Variants in GNA15 observed in about 807,000 individuals in gnomAD.
GNA15 encodes the protein G protein subunit alpha 15.
GNA15 carries 23 observed loss-of-function variants against 40.1 expected under a neutral mutation model. That is an observed-to-expected ratio of 0.57 (90% CI 0.41 to 0.81). GNA15 has a LOEUF of 0.81. Among genes scored for constraint, GNA15 ranks in the 40% least tolerant of loss-of-function variants. The pLI, the probability that GNA15 is intolerant of heterozygous loss-of-function variation, is 0.00. For missense variants in GNA15, 522 were observed against 515.8 expected, an observed-to-expected ratio of 1.01 and a Z score of -0.12; for synonymous variants, 226 against 210.4, an observed-to-expected ratio of 1.07 and a Z score of -0.64.
chr19:3,150,462 G>T (rs1914854327), intron 3 of GNA15, among the ~76,000 whole-genome samples, 177 bp downstream of exon 3: 1 of 152,214 alleles, frequency 6.6e-6, no homozygotes, highest in South Asian at 2.1e-4. Context: ...TGTTCTGGGG[G>T]TGACCCTTTT....
chr19:3,160,731 C>A (rs1915121917), intron 6 of GNA15, among the ~76,000 whole-genome samples: 1 of 152,074 alleles, frequency 6.6e-6, no homozygotes, highest in South Asian at 2.1e-4. Flanking sequence ...AGGTTGGTTC[C>A]TTTTGGAGGC....
intron 5 of GNA15, 80 bp from the exon 6 acceptor site, chr19:3,157,648 C>A: frequency 1.5e-6 from 2 of 1,315,582 alleles, no homozygotes; most frequent in Non-Finnish European, 2.2e-6. Context: ...CTGGAGCCAA[C>A]AGCCCCGTCT....
intron 2 of GNA15, chr19:3,149,191 G>A: frequency 5.5e-6 from 1 of 182,486 alleles, no homozygotes. Flanking sequence ...ACAAATAAGT[G>A]CACACACAAA....
At chr19:3,144,737 C>T (rs550438465) in intron 1 of GNA15, among the ~76,000 whole-genome samples, 85 of 150,002 alleles carry the variant, frequency 5.7e-4, no homozygotes, top group South Asian at 1.3e-3. Flanking sequence ...ACCGTGTTAG[C>T]CAGGATGGTC....
intron 1 of GNA15, among the ~76,000 whole-genome samples, chr19:3,145,355 A>ATT (rs1374760162): frequency 6.0e-4 from 22 of 36,364 alleles, no homozygotes; most frequent in Non-Finnish European, 9.6e-4. Context: ...ATATATATAT[A>ATT]TATATTTTTT....
intron 1 of GNA15, among the ~76,000 whole-genome samples, chr19:3,137,659 G>A (rs1019034686): frequency 3.3e-5 from 5 of 152,206 alleles, no homozygotes; most frequent in Admixed American, 6.5e-5. Flanking sequence ...GTGCGTGCCT[G>A]TAGTCCCTGC....
intron 4 of GNA15, among the ~76,000 whole-genome samples, chr19:3,152,272 A>C (rs1329317079): frequency 2.6e-5 from 4 of 151,980 alleles, no homozygotes; most frequent in Non-Finnish European, 4.4e-5. Flanking sequence ...GAAGTCAGGA[A>C]ACTCAGAAAA....
rs1914470141 is a variant in GNA15, at chr19:3,136,866, C to G, written c.145+271C>G. 6.6e-6 allele frequency among the ~76,000 whole-genome samples: 1 copy of G among 152,248 alleles called. No homozygotes were observed. Among genetic ancestry groups the G allele is most frequent in the African/African-American group, 2.4e-5 (1 of 41,474 alleles). ...GGCATATACAATAGCAGACGTGGCTCTACCGGGCCCCTGCCGGGCAGGCCC... is the reference window on the plus strand; with the variant it reads ...GGCATATACAATAGCAGACGTGGCTGTACCGGGCCCCTGCCGGGCAGGCCC... On this transcript the variant is annotated intron_variant, in intron 1 of 6. Coordinates refer to ENST00000262958, the MANE Select transcript of GNA15 (RefSeq NM_002068.4). This position sits in a 1 kb window ranked among gnomAD's most constrained non-coding sequence, Gnocchi z 4.9.
At chr19:3,149,424 A>C in intron 2 of GNA15, 1 of 158,244 alleles carries the variant, frequency 6.3e-6, no homozygotes, top group Non-Finnish European at 1.4e-5. Context: ...ACATGTGTGC[A>C]CACATACAAA....
In GNA15 at chr19:3,155,839, G is replaced by C; in HGVS notation, c.631G>C (p.Gly211Arg). The C allele has an allele frequency of 6.2e-7, 1 of 1,613,696 alleles. No individual in the cohort carries two copies. The highest frequency in any genetic ancestry group is 1.3e-5 in the African/African-American group (1 of 75,022). ...KTNLRIVDVG[G>R]QKSERKKWIH... Reference sequence around the variant, plus strand: ...TCCCTGTAGGATCGTGGACGTCGGGGGCCAGAAGTCAGAGCGTAAGAAATG... The same window carrying C: ...TCCCTGTAGGATCGTGGACGTCGGGCGCCAGAAGTCAGAGCGTAAGAAATG... Residue 211 changes from glycine to arginine, a missense_variant, in exon 5 of 7, where the codon GGC becomes CGC. Physicochemically the swap from Gly to Arg is moderately radical, Grantham distance 125. Coordinates refer to ENST00000262958, the MANE Select transcript of GNA15 (RefSeq NM_002068.4). This position sits in a 1 kb window ranked among gnomAD's most constrained non-coding sequence, Gnocchi z 5.6.
intron 6 of GNA15, 70 bp downstream of exon 6, chr19:3,157,951 G>C (rs1191100332): frequency 1.0e-5 from 13 of 1,259,812 alleles, no homozygotes; most frequent in Middle Eastern, 1.9e-4. Flanking sequence ...TGCTAATCCA[G>C]ACTCTACTTC....
At chr19:3,137,869 G>A (rs546717379) in intron 1 of GNA15, among the ~76,000 whole-genome samples, 25 of 152,302 alleles carry the variant, frequency 1.6e-4, no homozygotes, top group Admixed American at 1.4e-3. Flanking sequence ...GCTGAGGCAT[G>A]AGAATCGCTT....
In GNA15 at chr19:3,148,625, G is replaced by A. The variant is rs1187751085; in HGVS notation, c.180G>A (p.Lys60=). The A allele has an allele frequency of 3.8e-6, 6 of 1,587,288 alleles. No individual in the cohort carries two copies. The highest frequency in any genetic ancestry group is 1.3e-5 in the African/African-American group (1 of 74,386). The stretch of plus-strand genomic sequence containing the variant: ...AGAGCGGGAAGAGCACCTTCATCAA[G>A]CAGATGCGGATCATCCACGGCGCCG... ...PGESGKSTFI[K]QMRIIHGAGY... is the part of the protein sequence containing the mutation. Residue 60 remains lysine, a synonymous_variant, in exon 2 of 7, where the codon AAG becomes AAA. Coordinates refer to ENST00000262958, the MANE Select transcript of GNA15 (RefSeq NM_002068.4).
intron 1 of GNA15, among the ~76,000 whole-genome samples, chr19:3,145,359 A>ATATATAT: frequency 0.039 from 1,830 of 46,896 alleles, 74 homozygotes; most frequent in Middle Eastern, 0.091. Context: ...ATATATATAT[A>ATATATAT]TTTTTTTTTT....
chr19:3,137,344 C>T (rs1333652514), intron 1 of GNA15, among the ~76,000 whole-genome samples: 1 of 152,122 alleles, frequency 6.6e-6, no homozygotes, highest in African/African-American at 2.4e-5. Flanking sequence ...ACGTCAGTAA[C>T]GGTTCAAGAT....
intron 2 of GNA15, chr19:3,149,432 A>AC (rs1268657357): frequency 1.3e-5 from 2 of 156,976 alleles, no homozygotes; most frequent in Non-Finnish European, 2.8e-5. Context: ...GCACACATAC[A>AC]AATGCACACA....
rs61758985 is a variant in GNA15, at chr19:3,157,887, T to C, written c.898+6T>C. ...CTATTTCCCCAGTTTCCAGGGTAAG[T>C]AATTCTAGAACTTTCTATACCCTTC... On this transcript the variant is annotated splice_donor_region_variant and intron_variant, in intron 6 of 6. Transcript: ENST00000262958. 0.16 allele frequency: 263,220 copies of C among 1,603,134 alleles called. 23,323 individuals carry two copies. The highest frequency in any genetic ancestry group is 0.2 in the African/African-American group (14,716 of 74,700).
intron 1 of GNA15, among the ~76,000 whole-genome samples, chr19:3,138,897 C>T (rs139669233): frequency 7.4e-5 from 11 of 149,126 alleles, no homozygotes; most frequent in African/African-American, 1.7e-4. Context: ...CTTGGCCTCC[C>T]GAAGTGTTGG....
intron 6 of GNA15, among the ~76,000 whole-genome samples, chr19:3,162,046 T>C (rs1271659738): frequency 6.6e-6 from 1 of 151,128 alleles, no homozygotes; most frequent in Non-Finnish European, 1.5e-5. Flanking sequence ...ATAATAATAA[T>C]AATAATAATG....
Sources: gnomAD v4.1 joint callset for allele counts (sites outside exome capture counted in the v4.1 genomes callset) on GRCh38, gnomAD v4.1.1 for gene constraint, Gnocchi (gnomAD v3.1) non-coding constraint, MANE v1.5 for transcripts, NCBI Gene and HGNC (gene_info 2026-07-23, HGNC 2026-07-21) for gene names.